The following TMEM26 variants were observed in gnomAD, a reference collection of about 807,000 sequenced individuals.
TMEM26 encodes transmembrane protein 26.
TMEM26 carries 38 observed loss-of-function variants against 28.8 expected under a neutral mutation model. The observed-to-expected ratio is 1.32, with a 90% CI of 1.02 to 1.73. The LOEUF (loss-of-function observed/expected upper bound fraction) is 1.73. Ranked by LOEUF, TMEM26 falls within the 40% of genes most tolerant of loss-of-function variation. TMEM26 has a pLI of 0.00. For missense variants in TMEM26, 518 were observed against 447.1 expected, an observed-to-expected ratio of 1.16 and a Z score of -1.43; for synonymous variants, 227 against 182.9, an observed-to-expected ratio of 1.24 and a Z score of -1.95.
chr10:61,447,312 A>G (rs1194284987), intron 1 of TMEM26, among the ~76,000 whole-genome samples: 1 of 152,350 alleles, frequency 6.6e-6, no homozygotes, highest in East Asian at 1.9e-4. Flanking sequence ...CTACAGAATT[A>G]CATCATACAA....
chr10:61,413,038 A>C (rs1454844593), intron 5 of TMEM26: 1 of 1,106,926 alleles, frequency 9.0e-7, no homozygotes, highest in South Asian at 1.5e-5. Context: ...AAATAATAAG[A>C]AATAAAACTT....
chr10:61,415,939 G>A (rs1353003829), intron 4 of TMEM26: 8 of 339,230 alleles, frequency 2.4e-5, no homozygotes, highest in Admixed American at 2.0e-4. Flanking sequence ...ATGTGGAAAA[G>A]GAATGAAACA....
rs1011982675 is a variant in TMEM26 at position 61,446,933 on chromosome 10, G to A, written c.191+5958C>T. The stretch of plus-strand genomic sequence containing the variant: ...TGAACATACATGTTGGAAAAACAGC[G>A]TCAAGACTTGCTCCCATCAGGGCTA... On this transcript the variant is annotated intron_variant, in intron 1 of 5. Transcript: ENST00000399298. Among the ~76,000 whole-genome samples, 7 of 147,590 alleles carry A rather than the reference G, an allele frequency of 4.7e-5. No homozygotes were observed. The East Asian group carries it at 7.9e-4, about 17-fold the overall frequency.
chr10:61,437,602 G>A (rs544423305), intron 1 of TMEM26, among the ~76,000 whole-genome samples: 3 of 152,224 alleles, frequency 2.0e-5, no homozygotes, highest in South Asian at 2.1e-4. Context: ...TAACCAACAC[G>A]GTGAAAACCC....
intron 5 of TMEM26, 79 bp downstream of exon 5, chr10:61,413,380 T>C (rs866346699): frequency 6.4e-7 from 1 of 1,560,296 alleles, no homozygotes; most frequent in Middle Eastern, 1.7e-4. Flanking sequence ...ATCCTTTCAC[T>C]TGCCTTCTTA....
At chr10:61,427,020 G>T (rs1839844660) in intron 4 of TMEM26, among the ~76,000 whole-genome samples, 1 of 151,950 alleles carries the variant, frequency 6.6e-6, no homozygotes, top group African/African-American at 2.4e-5. Context: ...CATAGAACTT[G>T]AATGGGAATT....
At chr10:61,438,631 GA>G in intron 1 of TMEM26, among the ~76,000 whole-genome samples, 1 of 152,150 alleles carries the variant, frequency 6.6e-6, no homozygotes, top group South Asian at 2.1e-4. Context: ...TCTATAATTG[GA>G]AAAAAGTACT....
At chr10:61,424,341 T>A (rs943908554) in intron 4 of TMEM26, among the ~76,000 whole-genome samples, 1 of 151,852 alleles carries the variant, frequency 6.6e-6, no homozygotes, top group South Asian at 2.1e-4. Flanking sequence ...ACGTAGGAAA[T>A]AGTTAAGAAA....
intron 1 of TMEM26, among the ~76,000 whole-genome samples, chr10:61,441,326 A>T (rs563495801): frequency 6.6e-6 from 1 of 152,308 alleles, no homozygotes; most frequent in Admixed American, 6.5e-5. Flanking sequence ...ATTGATTTTT[A>T]TTGGAAGATT....
At chr10:61,419,529 G>C (rs564823771) in intron 4 of TMEM26, among the ~76,000 whole-genome samples, 1 of 148,376 alleles carries the variant, frequency 6.7e-6, no homozygotes, top group East Asian at 1.9e-4. Context: ...GCAAACTGAA[G>C]TGAAAAATTC....
At chr10:61,445,380 A>G (rs1840162948) in intron 1 of TMEM26, among the ~76,000 whole-genome samples, 1 of 152,222 alleles carries the variant, frequency 6.6e-6, no homozygotes, top group Non-Finnish European at 1.5e-5. Flanking sequence ...CCAGGGCTAC[A>G]GCAGCACTGA....
chr10:61,448,878 C>T (rs74157971), intron 1 of TMEM26, among the ~76,000 whole-genome samples: 162 of 152,292 alleles, frequency 1.1e-3, no homozygotes, highest in African/African-American at 3.7e-3. Flanking sequence ...TAGCTTTCTA[C>T]TTATTCTCAG....
chr10:61,428,375 C>T (rs1472639979), intron 4 of TMEM26, among the ~76,000 whole-genome samples: 3 of 152,082 alleles, frequency 2.0e-5, no homozygotes, highest in African/African-American at 4.8e-5. Flanking sequence ...AGCCTGTGGG[C>T]ACTTTGAACA....
At chr10:61,435,465 C>T (rs1839988806) in intron 2 of TMEM26, among the ~76,000 whole-genome samples, 1 of 152,208 alleles carries the variant, frequency 6.6e-6, no homozygotes, top group South Asian at 2.1e-4. Flanking sequence ...AGGCATGAGC[C>T]ACCACGCCTG....
At chr10:61,449,252 A>G (rs1393182797) in intron 1 of TMEM26, among the ~76,000 whole-genome samples, 1 of 152,038 alleles carries the variant, frequency 6.6e-6, no homozygotes, top group Non-Finnish European at 1.5e-5. Context: ...AACAAATTAA[A>G]TATTAGGTGA....
In TMEM26 at chr10:61,413,439, A is replaced by G; in HGVS notation, c.682+20T>C. The G allele has an allele frequency of 1.2e-6, 2 of 1,602,588 alleles. No individual in the cohort carries two copies. Among genetic ancestry groups the G allele is most frequent in the Admixed American group, 3.5e-5 (2 of 56,866 alleles). On this transcript the variant is annotated intron_variant, in intron 5 of 5. Coordinates refer to ENST00000399298, the MANE Select transcript of TMEM26 (RefSeq NM_178505.8). ...GAGGTGTAATTTTCTATTTCTTTGC[A>G]CAAACATCAGGATACTTACCTGCCA... is the stretch of plus-strand genomic sequence containing the variant.
chr10:61,415,934 G>A, intron 4 of TMEM26: 2 of 335,282 alleles, frequency 6.0e-6, no homozygotes, highest in Admixed American at 8.3e-5. Flanking sequence ...CTATAATGTG[G>A]AAAAGGAATG....
At chr10:61,444,053 G>T (rs567106427) in intron 1 of TMEM26, among the ~76,000 whole-genome samples, 1 of 152,178 alleles carries the variant, frequency 6.6e-6, no homozygotes, top group Admixed American at 6.5e-5. Flanking sequence ...TTTCTTTTCT[G>T]CACTCATAAC....
chr10:61,412,201 T>C (rs949788232), intron 5 of TMEM26, among the ~76,000 whole-genome samples: 2 of 152,142 alleles, frequency 1.3e-5, no homozygotes, highest in Non-Finnish European at 2.9e-5. Flanking sequence ...GGACACCAGC[T>C]TGACCAATGA....
Sources: gnomAD v4.1 joint callset for allele counts (sites outside exome capture counted in the v4.1 genomes callset) on GRCh38, gnomAD v4.1.1 for gene constraint, MANE v1.5 for transcripts, NCBI Gene and HGNC (gene_info 2026-07-23, HGNC 2026-07-21) for gene names.